TRIM45: variants seen among roughly 807,000 people sequenced by gnomAD.
TRIM45 encodes tripartite motif containing 45.
TRIM45 carries 45 observed loss-of-function variants against 46.7 expected under a neutral mutation model. That is an observed-to-expected ratio of 0.96 (90% confidence interval 0.76 to 1.24). TRIM45 has a LOEUF of 1.24. Among genes scored for constraint, TRIM45 ranks in the 50% most tolerant of loss-of-function variants. TRIM45 has a pLI of 0.00. For missense variants in TRIM45, 680 were observed against 728.4 expected (o/e 0.93, Z 0.77); for synonymous variants, 259 against 285.8 (o/e 0.91, Z 0.94).
chr1:117,113,286 G>A lies in TRIM45; in HGVS notation c.1594+73C>T. 1.3e-6 allele frequency: 2 copies of A among 1,576,482 alleles called. No individual in the cohort carries two copies. Among genetic ancestry groups the A allele is most frequent in the South Asian group, 1.2e-5 (1 of 86,016 alleles). ...CTAAGTCCAAATGTCTAGTGGCTGT[G>A]TGGTAGGGAAGGGCCCGTCGCTTGA... On this transcript the variant is annotated intron_variant, in intron 5 of 5. Coordinates refer to ENST00000256649, the MANE Select transcript of TRIM45 (RefSeq NM_025188.4). The surrounding 1 kb of genome is among the most constrained non-coding windows in gnomAD (Gnocchi z 4.0).
chr1:117,118,825 T>G lies in TRIM45; in HGVS notation c.489-58A>C. 4.5e-6 allele frequency: 7 copies of G among 1,551,236 alleles called. No homozygotes were observed. The highest frequency in any genetic ancestry group is 1.9e-5 in the Admixed American group (1 of 52,132). ...AGGGGATAATTCTGTTGGGAATAGTTGGGCAGAGAGATTTTAGGAGCACAG... is the reference window on the plus strand; with the variant it reads ...AGGGGATAATTCTGTTGGGAATAGTGGGGCAGAGAGATTTTAGGAGCACAG... On this transcript the variant is annotated intron_variant, in intron 1 of 5. Transcript: ENST00000256649. The surrounding 1 kb of genome is among the most constrained non-coding windows in gnomAD (Gnocchi z 5.7).
upstream of TRIM45, among the ~76,000 whole-genome samples, chr1:117,123,339 C>G (rs1467302961): frequency 6.6e-6 from 1 of 152,158 alleles, no homozygotes; most frequent in Non-Finnish European, 1.5e-5. Context: ...CACCTTTACC[C>G]TCCCTGCTGC....
At chr1:117,121,813 G>T (rs1051834152), upstream of TRIM45, 9 of 710,178 alleles carry the variant, frequency 1.3e-5, no homozygotes, top group Admixed American at 6.1e-5. The surrounding 1 kb of genome is among the most constrained non-coding windows in gnomAD (Gnocchi z 4.2). Context: ...CGAGAGCGGC[G>T]GCCCTCGCCG....
intron 1 of TRIM45, among the ~76,000 whole-genome samples, chr1:117,120,187 C>A (rs1466250269): frequency 6.6e-6 from 1 of 152,196 alleles, no homozygotes; most frequent in African/African-American, 2.4e-5. Flanking sequence ...ATCACCTATT[C>A]TAGGAGCACA....
chr1:117,119,759 T>C (rs1053560531), intron 1 of TRIM45, among the ~76,000 whole-genome samples: 3 of 152,146 alleles, frequency 2.0e-5, no homozygotes, highest in African/African-American at 4.8e-5. Flanking sequence ...CCATTAGCAT[T>C]GTATCAATTT....
chr1:117,119,987 A>G, intron 1 of TRIM45, among the ~76,000 whole-genome samples: 1 of 152,174 alleles, frequency 6.6e-6, no homozygotes, highest in Non-Finnish European at 1.5e-5. Context: ...TGGTCATTTT[A>G]TATTCTGGTG....
intron 5 of TRIM45, among the ~76,000 whole-genome samples, chr1:117,112,703 C>T (rs1650264931): frequency 6.6e-6 from 1 of 152,114 alleles, no homozygotes; most frequent in Admixed American, 6.5e-5. Context: ...AACTTACCAC[C>T]TGAAGGAGGC....
In TRIM45 at chr1:117,121,564, C is replaced by G; in HGVS notation, c.-363G>C. Reference sequence around the variant, plus strand: ...CTCCACTGCCACCCCCCTCCCGCCGCCCGCCCCACTGCGCGCCACACGCGA... The same window carrying G: ...CTCCACTGCCACCCCCCTCCCGCCGGCCGCCCCACTGCGCGCCACACGCGA... On this transcript the variant is annotated 5_prime_UTR_variant, in exon 1 of 6. Coordinates refer to ENST00000256649, the MANE Select transcript of TRIM45 (RefSeq NM_025188.4). The surrounding 1 kb of genome is among the most constrained non-coding windows in gnomAD (Gnocchi z 4.2). 1 of 511,202 alleles carries G rather than the reference C, an allele frequency of 2.0e-6. No individual in the cohort carries two copies. Among genetic ancestry groups the G allele is most frequent in the Non-Finnish European group, 3.4e-6 (1 of 290,496 alleles). 31.7% of individuals were successfully genotyped at this position (511,202 alleles called of 1,614,324 possible).
chr1:117,114,244 C>A (rs545425431), intron 4 of TRIM45, among the ~76,000 whole-genome samples: 41 of 152,344 alleles, frequency 2.7e-4, no homozygotes, highest in Admixed American at 2.3e-3. Context: ...ATTAGTAACT[C>A]TCCCATCTGC....
rs1381195278 is a variant in TRIM45, at chr1:117,118,689, G to A, written c.567C>T (p.Ile189=). ...CCTCTGCAGGGTGAACAGGACACAG[G>A]ATGGGCTTCCCAATCCGGCTGTAGC... is the stretch of plus-strand genomic sequence containing the variant. ...LKGYSRIGKP[I]LCPVHPAEEL... The change falls in exon 2 of 6, where the codon ATC becomes ATT. Residue 189 remains isoleucine (I), a synonymous_variant. Coordinates refer to ENST00000256649, the MANE Select transcript of TRIM45 (RefSeq NM_025188.4). This position sits in a 1 kb window ranked among gnomAD's most constrained non-coding sequence, Gnocchi z 5.7. 6.2e-7 allele frequency: 1 copy of A among 1,613,874 alleles called. No homozygotes were observed. Among genetic ancestry groups the A allele is most frequent in the Admixed American group, 1.7e-5 (1 of 60,032 alleles).
rs962358502 is a variant in TRIM45 at position 117,117,840 on chromosome 1, G to A, written c.1222+194C>T. The stretch of plus-strand genomic sequence containing the variant: ...TGGAAAAGGGTCAAGCCTCACTCCT[G>A]TATTAACTGTACCCTAGCCAGAACA... On this transcript the variant is annotated intron_variant, in intron 2 of 5. Transcript: ENST00000256649. The surrounding 1 kb of genome is among the most constrained non-coding windows in gnomAD (Gnocchi z 4.9). Among the ~76,000 whole-genome samples the A allele has an allele frequency of 3.3e-5, 5 of 152,190 alleles. No homozygotes were observed. The highest frequency in any genetic ancestry group is 3.9e-4 in the East Asian group (2 of 5,188).
Position 117,120,951 on chromosome 1 carries a change from C to T in TRIM45, c.251G>A (p.Arg84Gln). The change falls in exon 1 of 6, where the codon CGA becomes CAA. Residue 84 changes from arginine (R) to glutamine (Q), a missense_variant. Physicochemically the swap from Arg to Gln is conservative, Grantham distance 43 (BLOSUM62 1). Transcript: ENST00000256649. ...EGSIFQELKP[R>Q]SLQSQIGILC... ...GATGCCGATCTGCGACTGCAGACTT[C>T]GTGGCTTGAGTTCCTGGAATATTGA... is the stretch of plus-strand genomic sequence containing the variant. 1.9e-6 allele frequency: 3 copies of T among 1,614,218 alleles called. No individual in the cohort carries two copies. Among genetic ancestry groups the T allele is most frequent in the South Asian group, 1.1e-5 (1 of 91,088 alleles).
At position 117,121,178 on chromosome 1, in the gene TRIM45, C is replaced by T; in HGVS notation, c.24G>A (p.Leu8=). Reference sequence around the variant, plus strand: ...TAGTGAGTTTGCTTACAAAGCCCAGCAGCGGTTTTCTGTTTTCTGACATAC... The same window carrying T: ...TAGTGAGTTTGCTTACAAAGCCCAGTAGCGGTTTTCTGTTTTCTGACATAC... MSENRKP[L]LGFVSKLTSG... is the part of the protein sequence containing the mutation. The change falls in exon 1 of 6, where the codon CTG becomes CTA. Residue 8 remains leucine (L), a synonymous_variant. Transcript: ENST00000256649. This position sits in a 1 kb window ranked among gnomAD's most constrained non-coding sequence, Gnocchi z 4.2. 1.3e-6 allele frequency: 2 copies of T among 1,565,932 alleles called. No individual in the cohort carries two copies. The highest frequency in any genetic ancestry group is 1.7e-6 in the Non-Finnish European group (2 of 1,159,526).
At chr1:117,122,148 G>A (rs1650675478), upstream of TRIM45, 1 of 280,982 alleles carries the variant, frequency 3.6e-6, no homozygotes, top group Non-Finnish European at 6.7e-6. Flanking sequence ...ACGCAGACTG[G>A]GTTCTCCCAT....
At chr1:117,122,378 T>C (rs1453163918), upstream of TRIM45, 1 of 152,318 alleles carries the variant, frequency 6.6e-6, no homozygotes, top group African/African-American at 2.4e-5. Flanking sequence ...TTTGGGTATT[T>C]TTCGGGGGTG....
intron 1 of TRIM45, among the ~76,000 whole-genome samples, chr1:117,119,642 C>T (rs568378917): frequency 6.6e-6 from 1 of 151,820 alleles, no homozygotes; most frequent in South Asian, 2.1e-4. Flanking sequence ...AAGTGTGAAA[C>T]CAATGGTTAG....
upstream of TRIM45, chr1:117,121,759 C>T (rs1270156486): frequency 4.3e-6 from 3 of 700,456 alleles, no homozygotes; most frequent in South Asian, 3.1e-5. The surrounding 1 kb of genome is among the most constrained non-coding windows in gnomAD (Gnocchi z 4.2). Flanking sequence ...CCCCTCCTCA[C>T]ACCAATCCCA....
At chr1:117,122,068 G>A, upstream of TRIM45, 2 of 424,144 alleles carry the variant, frequency 4.7e-6, no homozygotes, top group Non-Finnish European at 8.4e-6. Context: ...GAGGCCTCAG[G>A]ACCTCTTAAA....
upstream of TRIM45, among the ~76,000 whole-genome samples, chr1:117,123,609 C>T (rs1295075593): frequency 3.3e-5 from 5 of 151,712 alleles, no homozygotes; most frequent in African/African-American, 1.2e-4. Context: ...TATATTCGGG[C>T]TACCTCTACC....
Sources: allele counts gnomAD v4.1 joint callset (sites outside exome capture counted in the v4.1 genomes callset), GRCh38; gene constraint gnomAD v4.1.1; non-coding constraint Gnocchi (gnomAD v3.1); transcripts MANE v1.5; gene names NCBI Gene and HGNC (gene_info 2026-07-23, HGNC 2026-07-21).